Variants in GABRG3 observed in about 807,000 individuals in gnomAD.
GABRG3 encodes gamma-aminobutyric acid type A receptor subunit gamma3.
Under a neutral mutation model 48.8 loss-of-function variants are expected in GABRG3, and 25 were observed. The ratio of observed to expected loss-of-function variants is 0.51; its 90% CI spans 0.37 to 0.72. GABRG3 has a LOEUF of 0.72. Among genes scored for constraint, GABRG3 ranks in the 30% least tolerant of loss-of-function variants. The probability of loss-of-function intolerance (pLI) is 0.00; values close to 1 mark genes in which losing one functional copy is unlikely to be tolerated. For synonymous variants in GABRG3, 227 were observed against 217.6 expected, an observed-to-expected ratio of 1.04 and a Z score of -0.38; for missense variants, 394 against 577.9, an observed-to-expected ratio of 0.68 and a Z score of 3.26.
At chr15:27,496,740 C>A (rs1380660514) in intron 6 of GABRG3, among the ~76,000 whole-genome samples, 1 of 152,138 alleles carries the variant, frequency 6.6e-6, no homozygotes, top group African/African-American at 2.4e-5. Context: ...TAAATCATAT[C>A]TAAAAGGGAA....
chr15:27,074,959 A>G (rs958023515), intron 3 of GABRG3, among the ~76,000 whole-genome samples: 7 of 152,216 alleles, frequency 4.6e-5, no homozygotes, highest in Admixed American at 4.6e-4. Flanking sequence ...ACTCATCTTC[A>G]TCAGTTTTAA....
At chr15:27,045,373 C>T (rs760389883) in intron 3 of GABRG3, among the ~76,000 whole-genome samples, 5 of 152,174 alleles carry the variant, frequency 3.3e-5, no homozygotes, top group South Asian at 2.1e-4. Flanking sequence ...CTTCTCTCAC[C>T]GGGGGAACAA....
rs373774237 is a variant in GABRG3 at position 27,513,263 on chromosome 15, C to T, written c.713-6709C>T. Among the ~76,000 whole-genome samples the T allele has an allele frequency of 1.5e-4, 23 of 152,042 alleles. No individual in the cohort carries two copies. In the East Asian group the frequency reaches 4.3e-3, roughly 28 times the overall value. ...GAGATCGAGACCATCCTGGCTAACA[C>T]GGTGAAACCCTGTCTCTACTAAAAA... On this transcript the variant is annotated intron_variant, in intron 6 of 9. Transcript: ENST00000615808.
intron 3 of GABRG3, chr15:27,295,209 A>G (rs1891939737): frequency 1.3e-5 from 2 of 152,220 alleles, no homozygotes; most frequent in African/African-American, 2.4e-5. Flanking sequence ...TAAGTTTTAA[A>G]ATTAAATTTT....
chr15:27,179,456 C>A lies in GABRG3; in HGVS notation c.271-147353C>A, dbSNP rs1200057854. On this transcript the variant is annotated intron_variant, in intron 3 of 9. Coordinates refer to ENST00000615808, the MANE Select transcript of GABRG3 (RefSeq NM_033223.5). The surrounding 1 kb of genome is among the most constrained non-coding windows in gnomAD (Gnocchi z 4.0). The stretch of plus-strand genomic sequence containing the variant: ...CTTATTTACCTTGTTTGCATAAAAT[C>A]TTCCCCTGATTTTTGTGATACAATT... Among the ~76,000 whole-genome samples the A allele has an allele frequency of 6.6e-6, 1 of 152,198 alleles. No individual in the cohort carries two copies. The highest frequency in any genetic ancestry group is 1.5e-5 in the Non-Finnish European group (1 of 68,044).
At chr15:27,161,196 A>C (rs911283302) in intron 3 of GABRG3, 3 of 152,198 alleles carry the variant, frequency 2.0e-5, no homozygotes, top group Admixed American at 6.5e-5. Flanking sequence ...TTCCCCTGTC[A>C]AAACCTATGA....
chr15:27,036,835 C>T (rs948841963), intron 3 of GABRG3, among the ~76,000 whole-genome samples: 8 of 152,112 alleles, frequency 5.3e-5, no homozygotes, highest in Non-Finnish European at 8.8e-5. Flanking sequence ...AATTATGTCC[C>T]CCACAAAAGG....
chr15:27,367,611 C>T (rs1354560128), intron 5 of GABRG3, among the ~76,000 whole-genome samples: 1 of 152,156 alleles, frequency 6.6e-6, no homozygotes, highest in Non-Finnish European at 1.5e-5. Flanking sequence ...GCTGTGCTTT[C>T]AAACAACCTT....
chr15:27,475,789 T>C (rs1889922507), intron 5 of GABRG3, among the ~76,000 whole-genome samples: 1 of 151,836 alleles, frequency 6.6e-6, no homozygotes, highest in South Asian at 2.1e-4. Flanking sequence ...GTGGTGGTGG[T>C]GATGGTGATG....
At chr15:27,475,022 C>A (rs530461512) in intron 5 of GABRG3, among the ~76,000 whole-genome samples, 8 of 152,152 alleles carry the variant, frequency 5.3e-5, no homozygotes, top group Admixed American at 5.2e-4. Context: ...CCCAGCTACT[C>A]AGGAGGCTGA....
At chr15:27,037,360 T>C (rs1442828711) in intron 3 of GABRG3, among the ~76,000 whole-genome samples, 1 of 152,122 alleles carries the variant, frequency 6.6e-6, no homozygotes, top group East Asian at 1.9e-4. Context: ...ACACAAAGGG[T>C]GGCTCGACAG....
intron 3 of GABRG3, among the ~76,000 whole-genome samples, chr15:27,211,363 G>T (rs1231094836): frequency 6.6e-6 from 1 of 152,088 alleles, no homozygotes; most frequent in Non-Finnish European, 1.5e-5. Flanking sequence ...GACGTTTGAT[G>T]TAAGAGAGAA....
chr15:27,424,658 A>G (rs1272639988), intron 5 of GABRG3, among the ~76,000 whole-genome samples: 3 of 151,300 alleles, frequency 2.0e-5, no homozygotes, highest in Non-Finnish European at 4.4e-5. Context: ...GGTTCAAGCA[A>G]TTCTCCTGCC....
rs192037167 is a variant in GABRG3, at chr15:27,344,995, C to T, written c.574+16107C>T. 1.1e-3 allele frequency among the ~76,000 whole-genome samples: 169 copies of T among 152,296 alleles called. 1 individual carries two copies. Among genetic ancestry groups the T allele is most frequent in the African/African-American group, 4.0e-3 (166 of 41,572 alleles). On this transcript the variant is annotated intron_variant, in intron 5 of 9. Transcript: ENST00000615808. ...CTCCTTGTTCTGATGTCCACTTCGTCTGAAATTAATATAGCTTTCTAACTT... is the reference window on the plus strand; with the variant it reads ...CTCCTTGTTCTGATGTCCACTTCGTTTGAAATTAATATAGCTTTCTAACTT...
intron 3 of GABRG3, among the ~76,000 whole-genome samples, chr15:27,118,456 A>G (rs976872880): frequency 6.6e-6 from 1 of 152,252 alleles, no homozygotes; most frequent in Admixed American, 6.5e-5. Context: ...GCACCAGGGC[A>G]GATGACTGAG....
chr15:27,388,185 A>G (rs1365078869), intron 5 of GABRG3, among the ~76,000 whole-genome samples: 1 of 80,516 alleles, frequency 1.2e-5, no homozygotes, highest in Non-Finnish European at 2.2e-5. Context: ...GAAAGGAGGG[A>G]GGGAGGGTAA....
intron 2 of GABRG3, among the ~76,000 whole-genome samples, chr15:27,007,613 C>T (rs1001987460): frequency 6.6e-6 from 1 of 152,160 alleles, no homozygotes; most frequent in Admixed American, 6.5e-5. Context: ...GCCATTCTGA[C>T]TGGTGTGAGA....
chr15:27,494,887 G>A (rs936287829), intron 6 of GABRG3, among the ~76,000 whole-genome samples: 4 of 151,908 alleles, frequency 2.6e-5, no homozygotes, highest in African/African-American at 9.7e-5. Context: ...GGTTTATTTT[G>A]TTCTTGTTTT....
chr15:27,135,008 A>G (rs1897983754), intron 3 of GABRG3, among the ~76,000 whole-genome samples: 1 of 152,208 alleles, frequency 6.6e-6, no homozygotes, highest in South Asian at 2.1e-4. Context: ...TGCAATGAGA[A>G]CAGTTATGAC....
Sources: allele counts gnomAD v4.1 joint callset (sites outside exome capture counted in the v4.1 genomes callset), GRCh38; gene constraint gnomAD v4.1.1; non-coding constraint Gnocchi (gnomAD v3.1); transcripts MANE v1.5; gene names NCBI Gene and HGNC (gene_info 2026-07-23, HGNC 2026-07-21).